The following PLSCR5 variants were observed in gnomAD, a reference collection of about 807,000 sequenced individuals.
PLSCR5 encodes the protein phospholipid scramblase family, member 5.
Under a neutral mutation model 33.6 loss-of-function variants are expected in PLSCR5, and 44 were observed. That is an observed-to-expected ratio of 1.31 (90% CI 1.03 to 1.69). PLSCR5 has a LOEUF of 1.69. PLSCR5 is among the 40% of genes most tolerant of loss of function. The pLI is 0.00. For synonymous variants in PLSCR5, 148 were observed against 112.3 expected, an observed-to-expected ratio of 1.32 and a Z score of -2.01; for missense variants, 375 against 318.7, an observed-to-expected ratio of 1.18 and a Z score of -1.34.
At chr3:146,584,131 A>C (rs1477111741), downstream of PLSCR5, among the ~76,000 whole-genome samples, 1 of 152,200 alleles carries the variant, frequency 6.6e-6, no homozygotes, top group African/African-American at 2.4e-5. Context: ...TATATAAAGC[A>C]TGGTGCCTGG....
intron 4 of PLSCR5, among the ~76,000 whole-genome samples, chr3:146,592,621 A>C (rs757575318): frequency 6.6e-6 from 1 of 152,114 alleles, no homozygotes; most frequent in Non-Finnish European, 1.5e-5. Flanking sequence ...TTTCTTATGA[A>C]GTTCATAGTC....
Position 146,600,307 on chromosome 3 carries a change from C to A in PLSCR5, c.170G>T (p.Gly57Val). 1 of 1,593,860 alleles carries A rather than the reference C, an allele frequency of 6.3e-7. No individual in the cohort carries two copies. The highest frequency in any genetic ancestry group is 8.6e-7 in the Non-Finnish European group (1 of 1,168,600). ...SFLPTVSLPP[G>V]LEYLSQLDLI... is the part of the protein sequence containing the mutation. ...AAACACCTGGCTTAAATATTCTAGA[C>A]CAGGAGGGAGACTGACTGTTGGCAG... is the stretch of plus-strand genomic sequence containing the variant. The change falls in exon 2 of 8, where the codon GGT becomes GTT. Residue 57 changes from glycine to valine, a missense_variant. Transcript: ENST00000443512.
chr3:146,591,999 A>G (rs1258805717), intron 4 of PLSCR5, 118 bp from the exon 5 acceptor site: 9 of 854,214 alleles, frequency 1.1e-5, no homozygotes, highest in Non-Finnish European at 1.6e-5. Context: ...GATATTCTAC[A>G]AATCATTCTA....
At chr3:146,585,271 T>TGAGTTGTCTATTTTTC (rs2044658561), downstream of PLSCR5, among the ~76,000 whole-genome samples, 1 of 152,128 alleles carries the variant, frequency 6.6e-6, no homozygotes, top group African/African-American at 2.4e-5. Flanking sequence ...TTCAGAGCCT[T>TGAGTTGTCTATTTTTC]AGATCCCTTA....
chr3:146,584,797 C>G (rs2044655852), downstream of PLSCR5, among the ~76,000 whole-genome samples: 1 of 152,050 alleles, frequency 6.6e-6, no homozygotes, highest in African/African-American at 2.4e-5. Flanking sequence ...TACTACCACC[C>G]ATAATATTAT....
chr3:146,578,367 TTA>T (rs1244280230), intron 7 of PLSCR5, among the ~76,000 whole-genome samples: 1 of 152,174 alleles, frequency 6.6e-6, no homozygotes, highest in Non-Finnish European at 1.5e-5. Flanking sequence ...TTAAAGTTGT[TTA>T]TATGTTACCT....
chr3:146,577,496 T>C (rs1451887780), intron 7 of PLSCR5, among the ~76,000 whole-genome samples: 1 of 152,060 alleles, frequency 6.6e-6, no homozygotes, highest in African/African-American at 2.4e-5. Flanking sequence ...AAAATCAGAG[T>C]TGGGACTCTA....
chr3:146,591,836 G>A lies in PLSCR5; in HGVS notation c.499C>T (p.Gln167Ter), dbSNP rs769015012. The change falls in exon 5 of 8, where the codon CAG (glutamine) becomes TAG (stop). Residue 167 changes from glutamine (Q) to a stop codon, truncating the protein, a stop_gained. Transcript: ENST00000443512. LOFTEE classifies it high-confidence loss of function. ...TTAGGCAGAAAGGGGTCCCACTTCT[G>A]CGTAACGTAACCAACTATAGTACCA... ...PPGTIVGYVT[Q>*]KWDPFLPKFT... is the part of the protein sequence containing the mutation. The A allele has an allele frequency of 1.2e-6, 2 of 1,612,122 alleles. No individual in the cohort carries two copies. The highest frequency in any genetic ancestry group is 2.2e-5 in the East Asian group (1 of 44,798).
At chr3:146,599,334 C>G (rs17367802) in intron 2 of PLSCR5, among the ~76,000 whole-genome samples, 1 of 151,844 alleles carries the variant, frequency 6.6e-6, no homozygotes, top group African/African-American at 2.4e-5. Flanking sequence ...ACTTTATAAC[C>G]GCTTTGTCTT....
intron 7 of PLSCR5, among the ~76,000 whole-genome samples, chr3:146,577,969 C>A (rs2044609332): frequency 6.6e-6 from 1 of 152,010 alleles, no homozygotes; most frequent in South Asian, 2.1e-4. Context: ...CTCTATTAGT[C>A]TTTCTATGTA....
intron 5 of PLSCR5, chr3:146,590,315 C>G (rs563274763): frequency 6.6e-6 from 1 of 152,048 alleles, no homozygotes; most frequent in African/African-American, 2.4e-5. Flanking sequence ...ATTATTAAAA[C>G]ATTTAAATAT....
chr3:146,604,570 A>T lies in PLSCR5; in HGVS notation c.13+630T>A, dbSNP rs575638557. ...AAGAATCAATAATAACGCATGTCAG[A>T]TTCTTTATAATAAATGGCTATATCA... is the stretch of plus-strand genomic sequence containing the variant. On this transcript the variant is annotated intron_variant, in intron 1 of 7. Coordinates refer to ENST00000443512, the MANE Select transcript of PLSCR5 (RefSeq NM_001085420.2). Among the ~76,000 whole-genome samples the T allele has an allele frequency of 3.3e-5, 5 of 152,192 alleles. No homozygotes were observed. In the East Asian group the frequency reaches 9.6e-4, roughly 29 times the overall value.
rs540020243 is a variant in PLSCR5, at chr3:146,592,002, T to A, written c.454-121A>T. On this transcript the variant is annotated intron_variant, in intron 4 of 7. Coordinates refer to ENST00000443512, the MANE Select transcript of PLSCR5 (RefSeq NM_001085420.2). ...TAAAATTATTTTGATATTCTACAAA[T>A]CATTCTAAATACCTGCTTCTAAGGA... 2,328 of 857,480 alleles carry A rather than the reference T, an allele frequency of 2.7e-3. 10 individuals are homozygous for A. Among genetic ancestry groups the A allele is most frequent in the Non-Finnish European group, 2.5e-3 (1,421 of 578,856 alleles). 53.1% of individuals were successfully genotyped at this position (857,480 alleles called of 1,614,324 possible).
At chr3:146,594,208 G>T in intron 3 of PLSCR5, 68 bp from the exon 4 acceptor site, 2 of 1,119,062 alleles carry the variant, frequency 1.8e-6, no homozygotes, top group Non-Finnish European at 1.3e-6. Context: ...AAATAAAGGG[G>T]AGATGTTATT....
At chr3:146,584,348 C>A (rs1218949105), downstream of PLSCR5, among the ~76,000 whole-genome samples, 1 of 152,168 alleles carries the variant, frequency 6.6e-6, no homozygotes, top group African/African-American at 2.4e-5. Flanking sequence ...CCAAAGATCA[C>A]AGTTTAAGGT....
intron 6 of PLSCR5, among the ~76,000 whole-genome samples, chr3:146,586,937 C>CA (rs1266428555): frequency 6.6e-6 from 1 of 151,192 alleles, no homozygotes; most frequent in Non-Finnish European, 1.5e-5. Flanking sequence ...TATTGGCTGG[C>CA]AAAAAAAGGC....
At chr3:146,604,119 AT>A (rs1256064890) in intron 1 of PLSCR5, among the ~76,000 whole-genome samples, 2 of 152,140 alleles carry the variant, frequency 1.3e-5, no homozygotes, top group Non-Finnish European at 1.5e-5. Flanking sequence ...GAGCCCTATT[AT>A]CCTATTTGTA....
intron 2 of PLSCR5, among the ~76,000 whole-genome samples, chr3:146,596,432 C>T (rs1327176478): frequency 6.6e-6 from 1 of 152,156 alleles, no homozygotes; most frequent in Non-Finnish European, 1.5e-5. Context: ...CTCAAGTGAT[C>T]CACCCATCTC....
intron 4 of PLSCR5, among the ~76,000 whole-genome samples, chr3:146,593,542 G>A (rs1378881231): frequency 6.6e-6 from 1 of 152,116 alleles, no homozygotes; most frequent in East Asian, 1.9e-4. Flanking sequence ...TACCTTAGAG[G>A]AGTTTAATAT....
Sources: allele counts gnomAD v4.1 joint callset (sites outside exome capture counted in the v4.1 genomes callset), GRCh38; gene constraint gnomAD v4.1.1; transcripts MANE v1.5; gene names NCBI Gene and HGNC (gene_info 2026-07-23, HGNC 2026-07-21).